FKBP14: variants seen among roughly 807,000 people sequenced by gnomAD.
FKBP14 encodes the protein peptidyl-prolyl cis-trans isomerase FKBP14.
FKBP14 carries 20 observed loss-of-function variants against 21.6 expected under a neutral mutation model. The ratio of observed to expected loss-of-function variants is 0.92; its 90% CI spans 0.65 to 1.34. The LOEUF (loss-of-function observed/expected upper bound fraction) is 1.34, where lower values mean the gene tolerates loss of function less well. Ranked by LOEUF, FKBP14 falls within the 40% of genes most tolerant of loss-of-function variation. The pLI is 0.00. For synonymous variants in FKBP14, 79 were observed against 86.7 expected (o/e 0.91, Z 0.49); for missense variants, 253 against 249.0 (o/e 1.02, Z -0.11).
chr7:30,023,893 A>G (rs1249799137), intron 1 of FKBP14, among the ~76,000 whole-genome samples: 2 of 152,130 alleles, frequency 1.3e-5, no homozygotes. Context: ...ACATGTGGGG[A>G]TTATGGTAGC....
intron 3 of FKBP14, among the ~76,000 whole-genome samples, chr7:30,016,830 T>C (rs1789897890): frequency 6.6e-6 from 1 of 152,202 alleles, no homozygotes; most frequent in Admixed American, 6.5e-5. Context: ...AGACCAGCAA[T>C]TTCAAATCCT....
chr7:30,022,844 C>T (rs1489435916), intron 1 of FKBP14, 28 bp from the exon 2 acceptor site: 14 of 1,597,652 alleles, frequency 8.8e-6, no homozygotes, highest in Non-Finnish European at 1.2e-5. Flanking sequence ...CACATTAGAA[C>T]TCCTTATTAA....
At chr7:30,015,443 A>AAT (rs141026872) in intron 3 of FKBP14, among the ~76,000 whole-genome samples, 141 of 147,612 alleles carry the variant, frequency 9.6e-4, no homozygotes, top group Admixed American at 1.8e-3. Flanking sequence ...AAAAATTAAA[A>AAT]ATATATATAT....
rs1427852188 is a variant in FKBP14 at position 30,011,938 on chromosome 7, C to T, written c.*2797G>A. The T allele has an allele frequency of 6.6e-6, 1 of 152,152 alleles. No individual in the cohort carries two copies. Among genetic ancestry groups the T allele is most frequent in the Non-Finnish European group, 1.5e-5 (1 of 68,030 alleles). The allele number at this position is 152,152 out of a possible 1,614,324, so 9.4% of individuals were successfully genotyped here. A position where few individuals can be genotyped will look rare whatever the true frequency, so the allele number is the denominator to read the frequency against. On this transcript the variant is annotated 3_prime_UTR_variant, in exon 4 of 4. Coordinates refer to ENST00000222803, the MANE Select transcript of FKBP14 (RefSeq NM_017946.4). The stretch of plus-strand genomic sequence containing the variant: ...GTGTTTAGATGTTTGAATAAACAGA[C>T]ACTTGCCATTGTGTTACAATTGCCT...
downstream of FKBP14, among the ~76,000 whole-genome samples, chr7:30,007,140 A>T (rs1355960956): frequency 2.0e-5 from 3 of 152,082 alleles, no homozygotes. Context: ...TTGTTCTTCA[A>T]GCTTAATTTG....
Position 30,011,516 on chromosome 7 carries a change from T to C in FKBP14, c.*3219A>G, listed in dbSNP as rs896559428. ...AAGTGCCCTATACAGGTATACCATA[T>C]ATATATATATACACACACCATATAT... On this transcript the variant is annotated 3_prime_UTR_variant, in exon 4 of 4. Coordinates refer to ENST00000222803, the MANE Select transcript of FKBP14 (RefSeq NM_017946.4). The C allele has an allele frequency of 6.9e-6, 1 of 145,942 alleles. No individual in the cohort carries two copies. Among genetic ancestry groups the C allele is most frequent in the African/African-American group, 2.5e-5 (1 of 39,688 alleles). 9.0% of individuals were successfully genotyped at this position (145,942 alleles called of 1,614,324 possible).
chr7:30,009,541 AC>A (rs1789676330), downstream of FKBP14, among the ~76,000 whole-genome samples: 1 of 151,948 alleles, frequency 6.6e-6, no homozygotes, highest in African/African-American at 2.4e-5. Context: ...CATATAATTT[AC>A]CTTTTTAATA....
In FKBP14 at chr7:30,010,830, T is replaced by G. The variant is rs186739054; in HGVS notation, c.*3905A>C. On this transcript the variant is annotated 3_prime_UTR_variant, in exon 4 of 4. Transcript: ENST00000222803. ...CCTAGGCTAGTGTGTTTGTCTTGGT[T>G]TTTGACCAAAAAGTTTAAAAATTCA... The G allele has an allele frequency of 1.3e-5, 2 of 152,248 alleles. No individual in the cohort carries two copies. The highest frequency in any genetic ancestry group is 3.9e-4 in the East Asian group (2 of 5,178). The allele number at this position is 152,248 out of a possible 1,614,324, so 9.4% of individuals were successfully genotyped here. A position where few individuals can be genotyped will look rare whatever the true frequency, so the allele number is the denominator to read the frequency against.
downstream of FKBP14, among the ~76,000 whole-genome samples, chr7:30,008,793 G>A (rs541191979): frequency 2.0e-5 from 3 of 152,128 alleles, no homozygotes; most frequent in Admixed American, 6.5e-5. Context: ...TGGCTAACAC[G>A]GTGAAACCCG....
At position 30,019,100 on chromosome 7, in the gene FKBP14, G is replaced by T; in HGVS notation, c.373C>A (p.Leu125Met). 1 of 1,580,756 alleles carries T rather than the reference G, an allele frequency of 6.3e-7. No homozygotes were observed. Residue 125 changes from leucine to methionine, a missense_variant, in exon 3 of 4, where the codon CTG becomes ATG. Transcript: ENST00000222803. Reference sequence around the variant, plus strand: ...TCCAGGAGATCAATATTAAATATCAGTGTACTTTCTGGGGGAATTTTACCT... The same window carrying T: ...TCCAGGAGATCAATATTAAATATCATTGTACTTTCTGGGGGAATTTTACCT... ...GKGKIPPEST[L>M]IFNIDLLEIR...
At position 30,014,747 on chromosome 7, in the gene FKBP14, G is replaced by T. The variant is rs757161961; in HGVS notation, c.624C>A (p.His208Gln). The T allele has an allele frequency of 1.9e-6, 3 of 1,596,402 alleles. No homozygotes were observed. The change falls in exon 4 of 4, where the codon CAC becomes CAA. Residue 208 changes from histidine to glutamine, a missense_variant. Coordinates refer to ENST00000222803, the MANE Select transcript of FKBP14 (RefSeq NM_017946.4). ...FISAREFTYK[H>Q]DEL ...GGTAGATGTATCTCTATAACTCATC[G>T]TGTTTATATGTAAATTCTCTGGCAG...
At chr7:30,017,023 A>C (rs1012439336) in intron 3 of FKBP14, among the ~76,000 whole-genome samples, 31 of 152,198 alleles carry the variant, frequency 2.0e-4, no homozygotes, top group African/African-American at 6.3e-4. Flanking sequence ...ACAAAACAGC[A>C]TGTATAGTTT....
intron 3 of FKBP14, 61 bp from the exon 4 acceptor site, chr7:30,014,954 C>A: frequency 1.7e-6 from 2 of 1,160,474 alleles, no homozygotes; most frequent in South Asian, 1.7e-5. Context: ...TTGAGCCAAT[C>A]AATATCACAG....
chr7:30,008,404 T>G (rs946821669), downstream of FKBP14: 4 of 148,040 alleles, frequency 2.7e-5, no homozygotes, highest in Admixed American at 2.0e-4. Context: ...TTCATTGTAC[T>G]AAAGGGAATA....
At chr7:30,018,727 C>T (rs879323039) in intron 3 of FKBP14, among the ~76,000 whole-genome samples, 3 of 152,026 alleles carry the variant, frequency 2.0e-5, no homozygotes, top group African/African-American at 7.3e-5. Flanking sequence ...TACAGTGAAC[C>T]CTAAGCATTG....
At chr7:30,026,290 C>T (rs1429443423) in intron 1 of FKBP14, 22 bp downstream of exon 1, 2 of 1,581,176 alleles carry the variant, frequency 1.3e-6, no homozygotes, top group Admixed American at 1.8e-5. Context: ...TACTATTTTA[C>T]CTGCGGGGCA....
At chr7:30,022,635 A>T (rs1472402775) in intron 2 of FKBP14, 30 bp downstream of exon 2, 1 of 1,599,626 alleles carries the variant, frequency 6.3e-7, no homozygotes, top group African/African-American at 1.3e-5. Context: ...CTCTAGTGCT[A>T]TAGTAAGAAA....
At chr7:30,007,238 T>C (rs1429442185), downstream of FKBP14, among the ~76,000 whole-genome samples, 2 of 144,592 alleles carry the variant, frequency 1.4e-5, no homozygotes, top group Non-Finnish European at 3.0e-5. Context: ...TTAGACAGAG[T>C]CTCGCTCTGT....
rs943228062 is a variant in FKBP14, at chr7:30,012,087, T to A, written c.*2648A>T. The A allele has an allele frequency of 6.6e-6, 1 of 152,240 alleles. No homozygotes were observed. Among genetic ancestry groups the A allele is most frequent in the Admixed American group, 6.5e-5 (1 of 15,278 alleles). The allele number at this position is 152,240 out of a possible 1,614,324, so 9.4% of individuals were successfully genotyped here. On this transcript the variant is annotated 3_prime_UTR_variant, in exon 4 of 4. Coordinates refer to ENST00000222803, the MANE Select transcript of FKBP14 (RefSeq NM_017946.4). ...ACACTCTATGATGTTCCCACAACGA[T>A]GAAATAACCTAATTAGACATTTCTC...
Sources: allele counts gnomAD v4.1 joint callset (sites outside exome capture counted in the v4.1 genomes callset), GRCh38; gene constraint gnomAD v4.1.1; transcripts MANE v1.5; gene names NCBI Gene and HGNC (gene_info 2026-07-23, HGNC 2026-07-21).